Variants in DISC1 observed in about 807,000 individuals in gnomAD.
DISC1 encodes DISC1 scaffold protein.
In DISC1, 57 loss-of-function variants were observed where a neutral mutation model predicts 84.5. The observed-to-expected ratio is 0.67, with a 90% confidence interval of 0.55 to 0.84. The LOEUF is 0.84. DISC1 is among the 40% of genes least tolerant of loss of function. The probability of loss-of-function intolerance (pLI) is 0.00; values close to 1 mark genes in which losing one functional copy is unlikely to be tolerated. For synonymous variants in DISC1, 411 were observed against 415.2 expected, an observed-to-expected ratio of 0.99 and a Z score of 0.12; for missense variants, 1,000 against 1,057.8, an observed-to-expected ratio of 0.95 and a Z score of 0.76.
intron 3 of DISC1, among the ~76,000 whole-genome samples, chr1:231,719,744 C>T (rs894649603): frequency 1.1e-4 from 16 of 152,032 alleles, no homozygotes; most frequent in African/African-American, 2.2e-4. Context: ...AATGTATTTG[C>T]GAACTGATTA....
chr1:231,779,388 A>G (rs1001318935), intron 6 of DISC1, among the ~76,000 whole-genome samples: 2 of 152,272 alleles, frequency 1.3e-5, no homozygotes, highest in South Asian at 2.1e-4. Flanking sequence ...TAGAGGGCCT[A>G]ATTGTAATAC....
At chr1:231,778,748 AC>A (rs1447644421) in intron 6 of DISC1, among the ~76,000 whole-genome samples, 1 of 152,206 alleles carries the variant, frequency 6.6e-6, no homozygotes, top group Non-Finnish European at 1.5e-5. Context: ...GATGCTGCTC[AC>A]CAGGAAATGT....
At chr1:231,878,647 T>C (rs918791760) in intron 9 of DISC1, among the ~76,000 whole-genome samples, 1 of 152,142 alleles carries the variant, frequency 6.6e-6, no homozygotes, top group African/African-American at 2.4e-5. Context: ...CCTTTTTTAC[T>C]GGAGTGTAAT....
rs1665782061 is a variant in DISC1 at position 231,995,337 on chromosome 1, ATTTT to A, written c.2043-13447_2043-13444del. ...ATTTTCTTTTTTTCTTTTTTTATTT[ATTTT>A]ATTTTATTATTATTATACTTTAAGT... On this transcript the variant is annotated intron_variant, in intron 10 of 12. Coordinates refer to ENST00000439617, the MANE Select transcript of DISC1 (RefSeq NM_018662.3). 2.6e-5 allele frequency among the ~76,000 whole-genome samples: 4 copies of A among 151,562 alleles called. No individual in the cohort carries two copies. In the South Asian group the frequency reaches 8.3e-4, roughly 32 times the overall value.
chr1:231,756,623 T>C (rs2075168179), intron 4 of DISC1, among the ~76,000 whole-genome samples: 1 of 151,930 alleles, frequency 6.6e-6, no homozygotes, highest in Non-Finnish European at 1.5e-5. Flanking sequence ...TCAGCTTTTC[T>C]TCTGAAATTG....
At chr1:231,665,062 C>T (rs1014413491) in intron 1 of DISC1, among the ~76,000 whole-genome samples, 11 of 152,044 alleles carry the variant, frequency 7.2e-5, no homozygotes, top group Admixed American at 7.2e-4. Context: ...GCATCCTTTG[C>T]AGTGGAGAGA....
chr1:232,001,573 A>G (rs1482753264), intron 10 of DISC1, among the ~76,000 whole-genome samples: 1 of 152,226 alleles, frequency 6.6e-6, no homozygotes, highest in Non-Finnish European at 1.5e-5. Flanking sequence ...AAACCCTAAA[A>G]ATAGGTCCAT....
At chr1:231,905,121 A>G (rs947766134) in intron 9 of DISC1, among the ~76,000 whole-genome samples, 9 of 152,188 alleles carry the variant, frequency 5.9e-5, no homozygotes, top group Non-Finnish European at 1.0e-4. Context: ...CAAATTATCA[A>G]CGTTATCATC....
chr1:231,893,521 T>TTATA (rs1332675915), intron 9 of DISC1, among the ~76,000 whole-genome samples: 1 of 152,190 alleles, frequency 6.6e-6, no homozygotes, highest in East Asian at 1.9e-4. Context: ...TCTCAGTTGT[T>TTATA]TATATGAAAG....
At chr1:231,751,546 G>A (rs543081964) in intron 4 of DISC1, among the ~76,000 whole-genome samples, 10 of 152,232 alleles carry the variant, frequency 6.6e-5, no homozygotes, top group African/African-American at 1.9e-4. Flanking sequence ...ATAATGTTGT[G>A]CAATCATCAC....
At chr1:231,800,053 C>A in intron 7 of DISC1, 55 bp from the exon 8 acceptor site, 2 of 1,386,588 alleles carry the variant, frequency 1.4e-6, no homozygotes, top group Admixed American at 1.7e-5. Flanking sequence ...TGTTCCACTG[C>A]CTTCTGATTT....
At position 231,922,688 on chromosome 1, in the gene DISC1, T is replaced by A. The variant is rs376692356; in HGVS notation, c.1982-36140T>A. Among the ~76,000 whole-genome samples, 47 of 151,910 alleles carry A rather than the reference T, an allele frequency of 3.1e-4. No homozygotes were observed. The South Asian group carries it at 9.8e-3, about 32-fold the overall frequency. ...ACCCAGCCCTCCAGGCCAGCCAGGA[T>A]AACCCTGGAGGGCTGGAGGGGGACA... On this transcript the variant is annotated intron_variant, in intron 9 of 12. Transcript: ENST00000439617.
At chr1:231,693,745 T>C in intron 1 of DISC1, 81 bp from the exon 2 acceptor site, 1 of 1,604,204 alleles carries the variant, frequency 6.2e-7, no homozygotes, top group Non-Finnish European at 8.5e-7. Context: ...CCTTTAAACC[T>C]AGGGATGTTC....
chr1:232,036,816 CG>C lies in DISC1; in HGVS notation c.2551del (p.Glu851LysfsTer7), dbSNP rs1558859615. The C allele has an allele frequency of 6.3e-7, 1 of 1,588,062 alleles. No individual in the cohort carries two copies. The highest frequency in any genetic ancestry group is 2.3e-5 in the East Asian group (1 of 44,104). ...AASCMTAGVH[E>X]AQA ...CTTCCTGCATGACAGCTGGTGTCCA[CG>C]AAGCACAAGCCTGAGGAGTGACGGG... On this transcript the variant is annotated frameshift_variant, in exon 13 of 13. Transcript: ENST00000439617. LOFTEE classifies it high-confidence loss of function.
chr1:231,763,071 A>G (rs2075896640), intron 4 of DISC1, among the ~76,000 whole-genome samples: 3 of 152,096 alleles, frequency 2.0e-5, no homozygotes, highest in African/African-American at 7.2e-5. Context: ...GACTCAAACA[A>G]TGGGTGTGTG....
chr1:231,716,371 A>G (rs974267134), intron 3 of DISC1, among the ~76,000 whole-genome samples: 7 of 152,150 alleles, frequency 4.6e-5, no homozygotes, highest in Non-Finnish European at 8.8e-5. Flanking sequence ...TATATATTAA[A>G]ACATGCAAAT....
At chr1:232,013,106 C>A (rs1256102754) in intron 11 of DISC1, among the ~76,000 whole-genome samples, 1 of 152,286 alleles carries the variant, frequency 6.6e-6, no homozygotes, top group South Asian at 2.1e-4. Context: ...CTCTTTTGTA[C>A]GGGCTGTTCT....
intron 9 of DISC1, among the ~76,000 whole-genome samples, chr1:231,860,480 A>G (rs937030799): frequency 2.0e-5 from 3 of 152,202 alleles, no homozygotes; most frequent in African/African-American, 7.2e-5. Flanking sequence ...AAGTATTTCA[A>G]ATTTCAGATT....
In DISC1 at chr1:231,675,966, A is replaced by T. The variant is rs2063113855; in HGVS notation, c.68-17860A>T. Among the ~76,000 whole-genome samples, 1 of 150,694 alleles carries T rather than the reference A, an allele frequency of 6.6e-6. No individual in the cohort carries two copies. The highest frequency in any genetic ancestry group is 2.4e-5 in the African/African-American group (1 of 40,934). On this transcript the variant is annotated intron_variant, in intron 1 of 12. Coordinates refer to ENST00000439617, the MANE Select transcript of DISC1 (RefSeq NM_018662.3). The surrounding 1 kb of genome is among the most constrained non-coding windows in gnomAD (Gnocchi z 4.1). Reference sequence around the variant, plus strand: ...CGGGTTCAAGCAATTCTCCTGCCTCAGCCTCCTGAGTAGCTGGGATTACAG... The same window carrying T: ...CGGGTTCAAGCAATTCTCCTGCCTCTGCCTCCTGAGTAGCTGGGATTACAG...
Sources: gnomAD v4.1 joint callset for allele counts (sites outside exome capture counted in the v4.1 genomes callset) on GRCh38, gnomAD v4.1.1 for gene constraint, Gnocchi (gnomAD v3.1) non-coding constraint, MANE v1.5 for transcripts, NCBI Gene and HGNC (gene_info 2026-07-23, HGNC 2026-07-21) for gene names.